The following CCDC198 variants were observed in gnomAD, a reference collection of about 807,000 sequenced individuals.
CCDC198 encodes the protein factor associated with metabolism and energy.
A neutral mutation model predicts 35.6 loss-of-function variants in CCDC198; 18 were observed. That is an observed-to-expected ratio of 0.51 (90% CI 0.35 to 0.75). The LOEUF is 0.75. Ranked by LOEUF, CCDC198 falls within the 30% of genes least tolerant of loss-of-function variation. CCDC198 has a pLI of 0.01. For missense variants in CCDC198, 365 were observed against 343.7 expected, an observed-to-expected ratio of 1.06 and a Z score of -0.49; for synonymous variants, 119 against 113.4, an observed-to-expected ratio of 1.05 and a Z score of -0.31.
intron 4 of CCDC198, among the ~76,000 whole-genome samples, chr14:57,481,110 A>G (rs574931863): frequency 6.6e-6 from 1 of 152,282 alleles, no homozygotes; most frequent in Admixed American, 6.5e-5. Context: ...TACAGGCATT[A>G]CTGGTAAAGG....
Position 57,475,775 on chromosome 14 carries a change from C to T in CCDC198, c.656-4185G>A, listed in dbSNP as rs1443580626. 18 of 292,096 alleles carry T rather than the reference C, an allele frequency of 6.2e-5. 1 individual carries two copies. The highest frequency in any genetic ancestry group is 1.8e-4 in the African/African-American group (7 of 39,618). 18.1% of individuals were successfully genotyped at this position (292,096 alleles called of 1,614,324 possible). On this transcript the variant is annotated intron_variant, in intron 5 of 5. Transcript: ENST00000216445. Reference sequence around the variant, plus strand: ...TTGTCTATATTCCCATACATTTGTACGGCACTTAGCTTCTTTTTTTTTTTT... The same window carrying T: ...TTGTCTATATTCCCATACATTTGTATGGCACTTAGCTTCTTTTTTTTTTTT...
intron 1 of CCDC198, among the ~76,000 whole-genome samples, chr14:57,491,691 A>T (rs1453411178): frequency 6.6e-6 from 1 of 152,112 alleles, no homozygotes; most frequent in Non-Finnish European, 1.5e-5. Context: ...GAGAGGCTCA[A>T]CAGATCCATT....
At chr14:57,490,649 T>C (rs1446079560) in intron 2 of CCDC198, among the ~76,000 whole-genome samples, 1 of 152,124 alleles carries the variant, frequency 6.6e-6, no homozygotes, top group African/African-American at 2.4e-5. Flanking sequence ...ATCTGACTTG[T>C]AGTAGGGTGT....
At chr14:57,477,800 C>G (rs983129206) in intron 5 of CCDC198, among the ~76,000 whole-genome samples, 1 of 152,080 alleles carries the variant, frequency 6.6e-6, no homozygotes, top group Non-Finnish European at 1.5e-5. Flanking sequence ...TGGGTTCAAG[C>G]GATTCTCTTG....
At chr14:57,479,176 C>T (rs553015621) in intron 5 of CCDC198, among the ~76,000 whole-genome samples, 11 of 151,956 alleles carry the variant, frequency 7.2e-5, no homozygotes, top group Non-Finnish European at 1.6e-4. Context: ...GGGCTGGGTG[C>T]GAGAGTGGCA....
At chr14:57,477,910 C>T (rs553478872) in intron 5 of CCDC198, among the ~76,000 whole-genome samples, 11 of 152,226 alleles carry the variant, frequency 7.2e-5, no homozygotes, top group African/African-American at 2.4e-4. Context: ...GTTGGCCAAG[C>T]TGATCTCGAA....
At chr14:57,485,202 GGAGATTTTGGGGAATAATCCCA>G (rs2067318139) in intron 2 of CCDC198, among the ~76,000 whole-genome samples, 2 of 152,148 alleles carry the variant, frequency 1.3e-5, no homozygotes, top group South Asian at 4.1e-4. Flanking sequence ...GGTCTGTGCT[GGAGATTTTGGGGAATAATCCCA>G]GAGTAGAGCA....
At chr14:57,486,268 T>C (rs1036711194) in intron 2 of CCDC198, among the ~76,000 whole-genome samples, 1 of 152,184 alleles carries the variant, frequency 6.6e-6, no homozygotes, top group African/African-American at 2.4e-5. Context: ...GTTATAAATA[T>C]GTAATCTCAT....
intron 2 of CCDC198, chr14:57,483,370 C>G: frequency 1.8e-6 from 1 of 561,858 alleles, no homozygotes; most frequent in Non-Finnish European, 3.1e-6. Flanking sequence ...TCGACAGTGC[C>G]TTATTGATCT....
chr14:57,479,849 T>A (rs2067123704), intron 5 of CCDC198, among the ~76,000 whole-genome samples: 2 of 152,132 alleles, frequency 1.3e-5, no homozygotes, highest in Non-Finnish European at 2.9e-5. Context: ...GGTGACCACA[T>A]GGAGAACCAC....
Position 57,493,569 on chromosome 14 carries a change from T to A in CCDC198, c.147A>T (p.Arg49Ser). Residue 49 changes from arginine to serine, a missense_variant, in exon 1 of 6, where the codon AGA becomes AGT. Physicochemically the swap from Arg to Ser is moderately radical, Grantham distance 110 (BLOSUM62 -1). Coordinates refer to ENST00000216445, the MANE Select transcript of CCDC198 (RefSeq NM_018168.4). The stretch of plus-strand genomic sequence containing the variant: ...CCAAGGCTTTATTCTGGTCCTGCAG[T>A]CTTGCCAGTGAATATGAAGTCTTTT... ...LEEKTSYSLA[R>S]LQDQNKALEG... 2.5e-6 allele frequency: 4 copies of A among 1,613,988 alleles called. No individual in the cohort carries two copies. The highest frequency in any genetic ancestry group is 3.4e-6 in the Non-Finnish European group (4 of 1,179,918).
intron 1 of CCDC198, among the ~76,000 whole-genome samples, 155 bp downstream of exon 1, chr14:57,493,338 C>T: frequency 6.6e-6 from 1 of 152,148 alleles, no homozygotes; most frequent in Non-Finnish European, 1.5e-5. Context: ...GATGTTCAAT[C>T]CTCATTGAAA....
intron 2 of CCDC198, among the ~76,000 whole-genome samples, chr14:57,489,738 G>C (rs1336184341): frequency 3.9e-5 from 6 of 152,018 alleles, no homozygotes; most frequent in African/African-American, 1.2e-4. Context: ...GATATAAAAA[G>C]TACTTGTGAG....
At position 57,480,753 on chromosome 14, in the gene CCDC198, G is replaced by T. The variant is rs767646481; in HGVS notation, c.497C>A (p.Ala166Asp). Residue 166 changes from alanine (A) to aspartate (D), a missense_variant and splice_region_variant, in exon 5 of 6, where the codon GCC becomes GAC. Coordinates refer to ENST00000216445, the MANE Select transcript of CCDC198 (RefSeq NM_018168.4). ...VLEMIRKRQE[A>D]QMELKKSLHG... is the part of the protein sequence containing the mutation. ...AAGACTTTTCTTTAACTCCATTTGGGCCTGAAAATCATCAACTATAAATGA... is the reference window on the plus strand; with the variant it reads ...AAGACTTTTCTTTAACTCCATTTGGTCCTGAAAATCATCAACTATAAATGA... 67 of 1,613,512 alleles carry T rather than the reference G, an allele frequency of 4.2e-5. No individual in the cohort carries two copies. The highest frequency in any genetic ancestry group is 5.6e-5 in the Non-Finnish European group (66 of 1,179,818).
rs575997691 is a variant in CCDC198, at chr14:57,481,550, C to T, written c.495+9G>A. The T allele has an allele frequency of 2.8e-5, 45 of 1,591,940 alleles. No individual in the cohort carries two copies. In the East Asian group the frequency reaches 2.9e-4, roughly 10 times the overall value. ...AATTTGGTAAATATGACACTCTTCT[C>T]GTATTTACCTCTTGTCTTTTACGGA... On this transcript the variant is annotated intron_variant, in intron 4 of 5. Coordinates refer to ENST00000216445, the MANE Select transcript of CCDC198 (RefSeq NM_018168.4).
At position 57,477,895 on chromosome 14, in the gene CCDC198, A is replaced by C. The variant is rs370560486; in HGVS notation, c.655+2700T>G. Among the ~76,000 whole-genome samples, 8 of 152,178 alleles carry C rather than the reference A, an allele frequency of 5.3e-5. No homozygotes were observed. In the East Asian group the frequency reaches 9.7e-4, roughly 18 times the overall value. On this transcript the variant is annotated intron_variant, in intron 5 of 5. Coordinates refer to ENST00000216445, the MANE Select transcript of CCDC198 (RefSeq NM_018168.4). ...GTATTTGTAGTAGAGACGGGGTTTC[A>C]CCATGTTGGCCAAGCTGATCTCGAA...
intron 5 of CCDC198, among the ~76,000 whole-genome samples, chr14:57,474,534 A>G (rs2066911552): frequency 1.3e-5 from 2 of 152,236 alleles, no homozygotes; most frequent in Non-Finnish European, 2.9e-5. Context: ...TTAGTGTATG[A>G]GACAAAATTC....
chr14:57,480,292 A>G (rs1424552268), intron 5 of CCDC198: 3 of 985,462 alleles, frequency 3.0e-6, no homozygotes, highest in Non-Finnish European at 3.6e-6. Flanking sequence ...TCTAACCACA[A>G]GATGAGGCTA....
rs74909129 is a variant in CCDC198 at position 57,487,138 on chromosome 14, A to C, written c.306+3851T>G. On this transcript the variant is annotated intron_variant, in intron 2 of 5. Coordinates refer to ENST00000216445, the MANE Select transcript of CCDC198 (RefSeq NM_018168.4). Reference sequence around the variant, plus strand: ...CCCTGCCCAGGAAGTGAGATGCCTCACTTCATCATCTTCAAAGAGAACACA... The same window carrying C: ...CCCTGCCCAGGAAGTGAGATGCCTCCCTTCATCATCTTCAAAGAGAACACA... Among the ~76,000 whole-genome samples the C allele has an allele frequency of 5.9e-5, 9 of 152,320 alleles. No individual in the cohort carries two copies. The East Asian group carries it at 1.7e-3, about 29-fold the overall frequency.
Sources: gnomAD v4.1 joint callset for allele counts (sites outside exome capture counted in the v4.1 genomes callset) on GRCh38, gnomAD v4.1.1 for gene constraint, MANE v1.5 for transcripts, NCBI Gene and HGNC (gene_info 2026-07-23, HGNC 2026-07-21) for gene names.